The following PRKAG2 variants were observed in gnomAD, a reference collection of about 807,000 sequenced individuals.
PRKAG2 encodes the protein 5'-AMP-activated protein kinase subunit gamma-2.
Under a neutral mutation model 69.6 loss-of-function variants are expected in PRKAG2, and 26 were observed. The ratio of observed to expected loss-of-function variants is 0.37; its 90% CI spans 0.27 to 0.52. The LOEUF (loss-of-function observed/expected upper bound fraction) is 0.52. Among genes scored for constraint, PRKAG2 ranks in the 20% least tolerant of loss-of-function variants. PRKAG2 has a pLI of 0.90. For synonymous variants in PRKAG2, 293 were observed against 285.0 expected, an observed-to-expected ratio of 1.03 and a Z score of -0.28; for missense variants, 557 against 740.0, an observed-to-expected ratio of 0.75 and a Z score of 2.87.
chr7:151,853,691 T>C lies in PRKAG2; in HGVS notation c.114+22816A>G, dbSNP rs1228451919. On this transcript the variant is annotated intron_variant, in intron 1 of 15. Transcript: ENST00000287878. ...AGGAGAATGGCGTGAACCCGGGAGG[T>C]GGAGCTTGCAGTGAGCTGAGATCAT... Among the ~76,000 whole-genome samples, 7 of 139,298 alleles carry C rather than the reference T, an allele frequency of 5.0e-5. No homozygotes were observed. The Admixed American group carries it at 5.4e-4, about 11-fold the overall frequency. 91.4% of individuals were successfully genotyped at this position (139,298 alleles called of 152,430 possible).
rs562330060 is a variant in PRKAG2 at position 151,692,630 on chromosome 7, A to C, written c.467-16993T>G. On this transcript the variant is annotated intron_variant, in intron 3 of 15. Transcript: ENST00000287878. Reference sequence around the variant, plus strand: ...ATAGCTAAATAATCCTGACTTTTACAACAGTGCCCTAACATGAGTTCGGGG... The same window carrying C: ...ATAGCTAAATAATCCTGACTTTTACCACAGTGCCCTAACATGAGTTCGGGG... Among the ~76,000 whole-genome samples the C allele has an allele frequency of 3.9e-5, 6 of 152,248 alleles. No individual in the cohort carries two copies. The East Asian group carries it at 1.2e-3, about 29-fold the overall frequency.
At chr7:151,640,272 T>C (rs1304974755) in intron 4 of PRKAG2, among the ~76,000 whole-genome samples, 1 of 152,198 alleles carries the variant, frequency 6.6e-6, no homozygotes, top group African/African-American at 2.4e-5. Context: ...ATCCTGCCAC[T>C]GCACTCTTGC....
At chr7:151,717,929 C>T (rs1183094833) in intron 3 of PRKAG2, among the ~76,000 whole-genome samples, 1 of 152,208 alleles carries the variant, frequency 6.6e-6, no homozygotes, top group African/African-American at 2.4e-5. Flanking sequence ...TGGGTAGGTG[C>T]TTGTCATTCT....
rs1796705610 is a variant in PRKAG2, at chr7:151,719,536, G to A, written c.467-43899C>T. On this transcript the variant is annotated intron_variant, in intron 3 of 15. Transcript: ENST00000287878. This position sits in a 1 kb window ranked among gnomAD's most constrained non-coding sequence, Gnocchi z 5.2. The stretch of plus-strand genomic sequence containing the variant: ...CTGTCCAATCTTCCCTGCCACCGTG[G>A]CCGCAGGGGTCAGAAAGAAGATGCC... Among the ~76,000 whole-genome samples the A allele has an allele frequency of 6.6e-6, 1 of 152,112 alleles. No homozygotes were observed. The highest frequency in any genetic ancestry group is 1.5e-5 in the Non-Finnish European group (1 of 68,028).
rs934833432 is a variant in PRKAG2, at chr7:151,727,052, C to T, written c.467-51415G>A. Among the ~76,000 whole-genome samples the T allele has an allele frequency of 1.8e-4, 27 of 152,004 alleles. 1 individual carries two copies. The highest frequency in any genetic ancestry group is 6.0e-4 in the African/African-American group (25 of 41,414). The stretch of plus-strand genomic sequence containing the variant: ...CCAACATAGTGAAACCCCGCCTCTA[C>T]TAAAAATACAAAATTAGCTGGGCAT... On this transcript the variant is annotated intron_variant, in intron 3 of 15. Coordinates refer to ENST00000287878, the MANE Select transcript of PRKAG2 (RefSeq NM_016203.4).
At chr7:151,715,484 G>T (rs371250377) in intron 3 of PRKAG2, among the ~76,000 whole-genome samples, 15 of 151,158 alleles carry the variant, frequency 9.9e-5, no homozygotes, top group African/African-American at 3.4e-4. Context: ...CTCCCAAGTT[G>T]CTGGGACTAC....
intron 8 of PRKAG2, among the ~76,000 whole-genome samples, chr7:151,572,930 T>C (rs1807940266): frequency 6.6e-6 from 1 of 152,048 alleles, no homozygotes; most frequent in South Asian, 2.1e-4. Context: ...CTGGCCAACA[T>C]GGTGAGACCT....
intron 5 of PRKAG2, 62 bp from the exon 6 acceptor site, chr7:151,595,516 C>T (rs1814273847): frequency 3.5e-6 from 4 of 1,140,618 alleles, no homozygotes; most frequent in East Asian, 4.7e-5. Flanking sequence ...GGATGAAGAG[C>T]ATATACGTAA....
In PRKAG2 at chr7:151,583,383, C is replaced by G. The variant is rs914259329; in HGVS notation, c.865-6931G>C. On this transcript the variant is annotated intron_variant, in intron 6 of 15. Transcript: ENST00000287878. The surrounding 1 kb of genome is among the most constrained non-coding windows in gnomAD (Gnocchi z 4.1). ...AGTCTCAATTCCATCCTTCAGAGAT[C>G]TCATATAATATTCCAAACGGACATG... Among the ~76,000 whole-genome samples the G allele has an allele frequency of 2.0e-5, 3 of 152,154 alleles. No homozygotes were observed. Among genetic ancestry groups the G allele is most frequent in the Non-Finnish European group, 4.4e-5 (3 of 68,020 alleles).
intron 1 of PRKAG2, among the ~76,000 whole-genome samples, chr7:151,859,980 A>T (rs1337628962): frequency 6.6e-6 from 1 of 152,084 alleles, no homozygotes; most frequent in Admixed American, 6.5e-5. Context: ...GTAGTCCAAG[A>T]TTCCCTCTCC....
intron 5 of PRKAG2, among the ~76,000 whole-genome samples, chr7:151,609,555 A>G (rs1818278485): frequency 6.6e-6 from 1 of 152,176 alleles, no homozygotes; most frequent in South Asian, 2.1e-4. Flanking sequence ...TGCTAAAATA[A>G]TCCACTACTA....
At chr7:151,706,632 T>A (rs1838660345) in intron 3 of PRKAG2, among the ~76,000 whole-genome samples, 1 of 152,238 alleles carries the variant, frequency 6.6e-6, no homozygotes, top group Non-Finnish European at 1.5e-5. Context: ...ATGGTTTTTA[T>A]AGAATTTCAA....
chr7:151,785,444 G>A lies in PRKAG2; in HGVS notation c.186+1026C>T, dbSNP rs937378203. On this transcript the variant is annotated intron_variant, in intron 2 of 15. Transcript: ENST00000287878. ...CATTCCCTGGCAGTCTTTGCTGGAT[G>A]GGCCACGAGAGCTGCTAATAAGGTT... Among the ~76,000 whole-genome samples, 8 of 152,256 alleles carry A rather than the reference G, an allele frequency of 5.3e-5. No homozygotes were observed. In the South Asian group the frequency reaches 1.7e-3, roughly 32 times the overall value.
chr7:151,773,046 AGAGAGAGGGAGGGAGG>A lies in PRKAG2; in HGVS notation c.466+8090_466+8105del, dbSNP rs1289794620. On this transcript the variant is annotated intron_variant, in intron 3 of 15. Transcript: ENST00000287878. ...GAAAGAGAGAGAGAGAGAGAGAGAG[AGAGAGAGGGAGGGAGG>A]GAGGGAGGGAGGGAGGGAGGGAGGG... 6.2e-3 allele frequency among the ~76,000 whole-genome samples: 226 copies of A among 36,562 alleles called. 2 individuals carry two copies. The highest frequency in any genetic ancestry group is 0.027 in the African/African-American group (207 of 7,764). The allele number at this position is 36,562 out of a possible 152,430, so 24.0% of individuals were successfully genotyped here.
intron 1 of PRKAG2, among the ~76,000 whole-genome samples, chr7:151,843,648 TA>T (rs2079362081): frequency 6.6e-6 from 1 of 152,236 alleles, no homozygotes; most frequent in African/African-American, 2.4e-5. Flanking sequence ...CACACAGCCT[TA>T]TCTCTATCCC....
At chr7:151,824,438 G>T (rs144074496) in intron 1 of PRKAG2, among the ~76,000 whole-genome samples, 7 of 152,148 alleles carry the variant, frequency 4.6e-5, no homozygotes, top group African/African-American at 1.4e-4. Flanking sequence ...CTCCTAAGCC[G>T]CGGTGAATGG....
chr7:151,751,620 C>A (rs147238792), intron 3 of PRKAG2, among the ~76,000 whole-genome samples: 5 of 152,126 alleles, frequency 3.3e-5, no homozygotes, highest in African/African-American at 1.2e-4. Flanking sequence ...ATCATCCTGC[C>A]TCAGACTCCC....
At chr7:151,599,262 C>G (rs896719136) in intron 5 of PRKAG2, among the ~76,000 whole-genome samples, 2 of 152,094 alleles carry the variant, frequency 1.3e-5, no homozygotes, top group Non-Finnish European at 2.9e-5. Flanking sequence ...AGGAGTCACC[C>G]TTGCCAATGT....
chr7:151,841,338 G>A (rs1194183923), intron 1 of PRKAG2, among the ~76,000 whole-genome samples: 1 of 152,064 alleles, frequency 6.6e-6, no homozygotes, highest in Non-Finnish European at 1.5e-5. Context: ...TGTTAGTGAT[G>A]GTAGGTAGTA....
Sources: allele counts gnomAD v4.1 joint callset (sites outside exome capture counted in the v4.1 genomes callset), GRCh38; gene constraint gnomAD v4.1.1; non-coding constraint Gnocchi (gnomAD v3.1); transcripts MANE v1.5; gene names NCBI Gene and HGNC (gene_info 2026-07-23, HGNC 2026-07-21).